The following EBF2 variants were observed in gnomAD, a reference collection of about 807,000 sequenced individuals.
The protein encoded by EBF2 is transcription factor COE2.
EBF2 carries 21 observed loss-of-function variants against 72.8 expected under a neutral mutation model. The observed-to-expected ratio is 0.29, with a 90% CI of 0.20 to 0.42. The LOEUF is 0.42. EBF2 is among the 10% of genes least tolerant of loss of function. The probability of loss-of-function intolerance (pLI) is 1.00; values close to 1 mark genes in which losing one functional copy is unlikely to be tolerated. For synonymous variants in EBF2, 299 were observed against 274.2 expected (o/e 1.09, Z -0.89); for missense variants, 637 against 731.2 (o/e 0.87, Z 1.49).
chr8:26,023,547 G>A (rs960904140), intron 6 of EBF2, among the ~76,000 whole-genome samples: 2 of 152,182 alleles, frequency 1.3e-5, no homozygotes, highest in African/African-American at 4.8e-5. Flanking sequence ...GCTAGTCATG[G>A]TGAGTTGGTT....
intron 8 of EBF2, 26 bp downstream of exon 8, chr8:25,889,726 G>T (rs1802746616): frequency 6.4e-7 from 1 of 1,555,374 alleles, no homozygotes; most frequent in Non-Finnish European, 8.9e-7. Context: ...TCATGTGTCT[G>T]CTATGCTGAG....
At chr8:25,852,728 G>T (rs1802007248) in intron 14 of EBF2, among the ~76,000 whole-genome samples, 1 of 152,154 alleles carries the variant, frequency 6.6e-6, no homozygotes, top group Non-Finnish European at 1.5e-5. Flanking sequence ...CAACAATTTT[G>T]TAAAAATGCC....
intron 6 of EBF2, among the ~76,000 whole-genome samples, chr8:25,997,350 G>T (rs913895880): frequency 3.3e-5 from 5 of 152,060 alleles, no homozygotes; most frequent in African/African-American, 9.7e-5. Context: ...GCAGGCAGAC[G>T]GTTTGAGCTC....
At chr8:25,935,897 G>A (rs1285870438) in intron 6 of EBF2, among the ~76,000 whole-genome samples, 5 of 152,204 alleles carry the variant, frequency 3.3e-5, no homozygotes, top group Admixed American at 3.3e-4. Context: ...CAAGGCTTGC[G>A]TGGCTTTCCA....
intron 6 of EBF2, among the ~76,000 whole-genome samples, chr8:25,947,691 C>T (rs1803793872): frequency 6.6e-6 from 1 of 152,204 alleles, no homozygotes; most frequent in Admixed American, 6.5e-5. Context: ...ACGACACACT[C>T]CCCTTCTTTC....
At chr8:26,031,804 T>C (rs996004931) in intron 6 of EBF2, 1 of 152,186 alleles carries the variant, frequency 6.6e-6, no homozygotes, top group Non-Finnish European at 1.5e-5. Context: ...GGGCAAGTCA[T>C]GCCACCGCTC....
chr8:25,884,229 T>C (rs1436924042), intron 10 of EBF2, among the ~76,000 whole-genome samples: 1 of 152,076 alleles, frequency 6.6e-6, no homozygotes, highest in African/African-American at 2.4e-5. Context: ...CTTGTAATCT[T>C]GCTGTACCCT....
chr8:25,927,092 G>C (rs1358147254), intron 6 of EBF2, among the ~76,000 whole-genome samples: 1 of 152,118 alleles, frequency 6.6e-6, no homozygotes, highest in East Asian at 1.9e-4. Flanking sequence ...TAAGTAGAGG[G>C]ATTACCCTTG....
chr8:25,947,356 G>A (rs1360864258), intron 6 of EBF2, among the ~76,000 whole-genome samples: 1 of 152,122 alleles, frequency 6.6e-6, no homozygotes, highest in African/African-American at 2.4e-5. Flanking sequence ...TGATTGTGAG[G>A]CCTCCCTAGC....
At position 25,850,610 on chromosome 8, in the gene EBF2, A is replaced by G. The variant is rs1801945610; in HGVS notation, c.1680T>C (p.Asn560=). ...CTTGCTTACCTCTGAATCCATTTCC[A>G]TTGCCGCTGGAGCAGGCAGGTGAAG... ...GSPSPACSSG[N]GNGFRAMTGL... The change falls in exon 15 of 16, where the codon AAT becomes AAC. Residue 560 remains asparagine (N), a synonymous_variant. Transcript: ENST00000520164. 2 of 1,562,202 alleles carry G rather than the reference A, an allele frequency of 1.3e-6. No homozygotes were observed. The highest frequency in any genetic ancestry group is 2.8e-5 in the African/African-American group (2 of 70,622).
At chr8:26,040,692 C>A (rs112071906) in intron 3 of EBF2, 21 bp from the exon 4 acceptor site, 45 of 1,553,208 alleles carry the variant, frequency 2.9e-5, no homozygotes, top group Non-Finnish European at 3.8e-5. Context: ...CGGAGGGGCA[C>A]GAGTCAAGGG....
intron 6 of EBF2, among the ~76,000 whole-genome samples, chr8:25,972,707 C>T (rs924296727): frequency 2.0e-5 from 3 of 152,046 alleles, no homozygotes; most frequent in East Asian, 3.9e-4. Flanking sequence ...CCAATGTTCC[C>T]GGGCACTGTG....
chr8:25,847,413 T>A (rs1801862168), intron 15 of EBF2, among the ~76,000 whole-genome samples: 1 of 152,194 alleles, frequency 6.6e-6, no homozygotes, highest in Admixed American at 6.5e-5. Flanking sequence ...GTCAGCTTGG[T>A]TTCCTCTCTC....
intron 6 of EBF2, among the ~76,000 whole-genome samples, chr8:26,013,538 AT>A (rs1266823838): frequency 6.6e-6 from 1 of 152,152 alleles, no homozygotes; most frequent in Non-Finnish European, 1.5e-5. Flanking sequence ...TCTCTCCTTA[AT>A]TAAGGCAGAA....
intron 7 of EBF2, among the ~76,000 whole-genome samples, chr8:25,906,827 G>C (rs1803041488): frequency 6.6e-6 from 1 of 152,066 alleles, no homozygotes; most frequent in African/African-American, 2.4e-5. Flanking sequence ...CTGCCCAAGA[G>C]AGAAAAAGTC....
chr8:25,887,825 C>T lies in EBF2; in HGVS notation c.882+17G>A, dbSNP rs1464934853. The T allele has an allele frequency of 1.3e-6, 2 of 1,578,938 alleles. No homozygotes were observed. Among genetic ancestry groups the T allele is most frequent in the Non-Finnish European group, 1.7e-6 (2 of 1,163,238 alleles). On this transcript the variant is annotated intron_variant, in intron 9 of 15. Transcript: ENST00000520164. ...TGGGCAAAAGGAAATCAGAGTAAGC[C>T]TGTTGCCTCTGCTTACCTCGCTCCA...
intron 6 of EBF2, among the ~76,000 whole-genome samples, chr8:25,946,125 A>G (rs1803764880): frequency 6.6e-6 from 1 of 152,190 alleles, no homozygotes; most frequent in Admixed American, 6.5e-5. Context: ...AACTTCTAGA[A>G]TCTCCCGTTA....
intron 6 of EBF2, among the ~76,000 whole-genome samples, chr8:25,940,266 C>T (rs149543804): frequency 8.7e-4 from 132 of 152,288 alleles, no homozygotes; most frequent in African/African-American, 3.0e-3. Context: ...TTTTCATATA[C>T]CTCTTCTGAG....
chr8:25,978,806 T>G (rs933450457), intron 6 of EBF2, among the ~76,000 whole-genome samples: 5 of 152,176 alleles, frequency 3.3e-5, no homozygotes, highest in Non-Finnish European at 7.4e-5. Flanking sequence ...GGCCCTTCGG[T>G]GCACAGTGGA....
Sources: gnomAD v4.1 joint callset for allele counts (sites outside exome capture counted in the v4.1 genomes callset) on GRCh38, gnomAD v4.1.1 for gene constraint, MANE v1.5 for transcripts, NCBI Gene and HGNC (gene_info 2026-07-23, HGNC 2026-07-21) for gene names.